Variants in NHSL1 observed in about 807,000 individuals in gnomAD.
NHSL1 encodes the protein NHS like 1, also known as NHS-like protein 1.
NHSL1 carries 48 observed loss-of-function variants against 95.0 expected under a neutral mutation model. The ratio of observed to expected loss-of-function variants is 0.51; its 90% CI spans 0.40 to 0.64. The LOEUF is 0.64. Among genes scored for constraint, NHSL1 ranks in the 30% least tolerant of loss-of-function variants. NHSL1 has a pLI of 0.00. For synonymous variants in NHSL1, 783 were observed against 833.9 expected (o/e 0.94, Z 1.05); for missense variants, 1,971 against 2,077.7 (o/e 0.95, Z 1.00).
chr6:138,551,913 G>C (rs1457048559), intron 1 of NHSL1, among the ~76,000 whole-genome samples: 1 of 152,100 alleles, frequency 6.6e-6, no homozygotes, highest in East Asian at 1.9e-4. Flanking sequence ...GAGTCCCAAG[G>C]GCAACCTTCA....
chr6:138,579,318 T>A (rs1331165975), intron 1 of NHSL1, among the ~76,000 whole-genome samples: 1 of 152,248 alleles, frequency 6.6e-6, no homozygotes, highest in African/African-American at 2.4e-5. Flanking sequence ...ATTTCCATGT[T>A]ACCTTTTTAT....
intron 3 of NHSL1, among the ~76,000 whole-genome samples, chr6:138,464,589 T>C (rs1188659142): frequency 6.6e-6 from 1 of 152,212 alleles, no homozygotes; most frequent in African/African-American, 2.4e-5. Flanking sequence ...AAGTGATCCT[T>C]AAAAAGTATC....
At chr6:138,663,967 C>G (rs969866909) in intron 1 of NHSL1, among the ~76,000 whole-genome samples, 1 of 152,210 alleles carries the variant, frequency 6.6e-6, no homozygotes, top group African/African-American at 2.4e-5. Flanking sequence ...CTTCTTGATA[C>G]TTCTGTGTTT....
intron 1 of NHSL1, among the ~76,000 whole-genome samples, chr6:138,628,002 A>G (rs1486015903): frequency 6.6e-6 from 1 of 152,090 alleles, no homozygotes; most frequent in Non-Finnish European, 1.5e-5. Flanking sequence ...TTTCAAATAC[A>G]TACACACATA....
intron 2 of NHSL1, among the ~76,000 whole-genome samples, chr6:138,475,670 G>T (rs912612057): frequency 2.6e-5 from 4 of 152,144 alleles, no homozygotes; most frequent in African/African-American, 9.7e-5. Context: ...GCAAGGCCGG[G>T]CATGGTGGCT....
chr6:138,553,064 C>T (rs2128334684), intron 1 of NHSL1, among the ~76,000 whole-genome samples: 1 of 151,662 alleles, frequency 6.6e-6, no homozygotes, highest in Non-Finnish European at 1.5e-5. Context: ...CCTTTCCCTC[C>T]AGAGGAAAAA....
chr6:138,633,100 G>C (rs989988570), intron 1 of NHSL1, among the ~76,000 whole-genome samples: 3 of 152,018 alleles, frequency 2.0e-5, no homozygotes, highest in Admixed American at 2.0e-4. Flanking sequence ...TAGCAGAACT[G>C]ATCAAGCAGA....
At chr6:138,571,339 A>G (rs1242481336) in intron 1 of NHSL1, among the ~76,000 whole-genome samples, 1 of 152,212 alleles carries the variant, frequency 6.6e-6, no homozygotes, top group Admixed American at 6.5e-5. Flanking sequence ...CAGTTTCACA[A>G]GAGTTCCACG....
chr6:138,572,693 C>T (rs989228501), upstream of NHSL1, among the ~76,000 whole-genome samples: 4 of 152,336 alleles, frequency 2.6e-5, no homozygotes, highest in East Asian at 5.8e-4. Flanking sequence ...ACAGTCAATA[C>T]TTCAGTGGCA....
chr6:138,553,667 C>T (rs1490312789), intron 1 of NHSL1, among the ~76,000 whole-genome samples: 2 of 152,158 alleles, frequency 1.3e-5, no homozygotes, highest in Admixed American at 1.3e-4. Context: ...TATGAAAAGT[C>T]ATATTTTCCT....
intron 1 of NHSL1, among the ~76,000 whole-genome samples, chr6:138,538,798 A>G (rs925272533): frequency 8.5e-5 from 13 of 152,224 alleles, no homozygotes; most frequent in Non-Finnish European, 1.6e-4. Flanking sequence ...TTTGAAAACT[A>G]TTCTGTGTAT....
intron 3 of NHSL1, chr6:138,464,249 G>A (rs974650372): frequency 4.8e-5 from 39 of 810,594 alleles, no homozygotes; most frequent in Non-Finnish European, 6.7e-5. Context: ...GGCCGGCACC[G>A]TCCTCCTCTC....
At chr6:138,571,353 T>C (rs1024828578) in intron 1 of NHSL1, among the ~76,000 whole-genome samples, 1 of 152,190 alleles carries the variant, frequency 6.6e-6, no homozygotes, top group African/African-American at 2.4e-5. Flanking sequence ...TTCCACGTTC[T>C]AGCCCCAGAT....
At chr6:138,548,254 G>C (rs899651381), upstream of NHSL1, among the ~76,000 whole-genome samples, 6 of 152,302 alleles carry the variant, frequency 3.9e-5, no homozygotes, top group African/African-American at 1.4e-4. Flanking sequence ...AAAATGCTGG[G>C]ATTACAGGCG....
At chr6:138,514,414 A>G (rs1206384877) in intron 1 of NHSL1, among the ~76,000 whole-genome samples, 1 of 152,220 alleles carries the variant, frequency 6.6e-6, no homozygotes, top group Admixed American at 6.5e-5. Flanking sequence ...AATACACTCT[A>G]AGACTTCCAG....
Position 138,424,199 on chromosome 6 carries a change from C to T in NHSL1, c.4703G>A (p.Gly1568Glu). The change falls in exon 8 of 8, where the codon GGG (glycine) becomes GAG (glutamate). Residue 1568 changes from glycine (G) to glutamate (E), a missense_variant. Transcript: ENST00000343505. This position sits in a 1 kb window ranked among gnomAD's most constrained non-coding sequence, Gnocchi z 5.9. The part of the protein sequence containing the change: ...EEMDEGGLLC[G>E]EGPAASLQPQ... ...CTGCAGGGAGGCGGCAGGCCCCTCCCCACAGAGCAGGCCGCCCTCGTCCAT... is the reference window on the plus strand; with the variant it reads ...CTGCAGGGAGGCGGCAGGCCCCTCCTCACAGAGCAGGCCGCCCTCGTCCAT... 4.0e-6 allele frequency: 6 copies of T among 1,492,840 alleles called. No homozygotes were observed. Among genetic ancestry groups the T allele is most frequent in the Non-Finnish European group, 5.3e-6 (6 of 1,124,338 alleles). 92.5% of individuals were successfully genotyped at this position (1,492,840 alleles called of 1,614,324 possible). A position where few individuals can be genotyped will look rare whatever the true frequency, so the allele number is the denominator to read the frequency against.
chr6:138,620,211 C>T (rs1205215181), intron 1 of NHSL1, among the ~76,000 whole-genome samples: 2 of 152,156 alleles, frequency 1.3e-5, no homozygotes, highest in African/African-American at 4.8e-5. Context: ...ACCAGCCCAG[C>T]AGTGAGGCAA....
intron 1 of NHSL1, chr6:138,650,784 T>A: frequency 1.8e-6 from 1 of 543,638 alleles, no homozygotes; most frequent in African/African-American, 1.9e-5. Flanking sequence ...CATATCACCC[T>A]TGTTGGAAAC....
At chr6:138,475,636 C>T (rs963101531) in intron 2 of NHSL1, among the ~76,000 whole-genome samples, 6 of 152,034 alleles carry the variant, frequency 3.9e-5, no homozygotes, top group Non-Finnish European at 7.4e-5. Flanking sequence ...AAAAATAACA[C>T]TCAAGAATGG....
Sources: gnomAD v4.1 joint callset for allele counts (sites outside exome capture counted in the v4.1 genomes callset) on GRCh38, gnomAD v4.1.1 for gene constraint, Gnocchi (gnomAD v3.1) non-coding constraint, MANE v1.5 for transcripts, NCBI Gene and HGNC (gene_info 2026-07-23, HGNC 2026-07-21) for gene names.